Variants in NCOA1 observed in about 807,000 individuals in gnomAD.
The protein encoded by NCOA1 is Hin-2 protein.
A neutral mutation model predicts 150.9 loss-of-function variants in NCOA1; 35 were observed. The ratio of observed to expected loss-of-function variants is 0.23; its 90% CI spans 0.18 to 0.31. The LOEUF (loss-of-function observed/expected upper bound fraction) is 0.31, where lower values mean the gene tolerates loss of function less well. Among genes scored for constraint, NCOA1 ranks in the 10% least tolerant of loss-of-function variants. The pLI is 1.00. For synonymous variants in NCOA1, 590 were observed against 630.0 expected, an observed-to-expected ratio of 0.94 and a Z score of 0.95; for missense variants, 1,491 against 1,749.3, an observed-to-expected ratio of 0.85 and a Z score of 2.63.
intron 3 of NCOA1, among the ~76,000 whole-genome samples, chr2:24,601,606 T>G (rs908596202): frequency 6.9e-6 from 1 of 144,992 alleles, no homozygotes; most frequent in Non-Finnish European, 1.5e-5. Context: ...CAGCTCCTCC[T>G]TCCTCCTTTT....
intron 22 of NCOA1, chr2:24,767,963 T>A: frequency 1.1e-6 from 1 of 951,700 alleles, no homozygotes; most frequent in Non-Finnish European, 1.6e-6. Context: ...ATACTCACTT[T>A]CAGTATTGAT....
intron 11 of NCOA1, among the ~76,000 whole-genome samples, chr2:24,701,139 TTA>T (rs746827988): frequency 6.6e-6 from 1 of 151,428 alleles, no homozygotes. Flanking sequence ...AAAGTTCTGT[TTA>T]TATATATATA....
At chr2:24,713,476 T>G (rs1270742145) in intron 14 of NCOA1, among the ~76,000 whole-genome samples, 1 of 152,164 alleles carries the variant, frequency 6.6e-6, no homozygotes, top group Non-Finnish European at 1.5e-5. Flanking sequence ...CAGAGAGAAG[T>G]TAATTCCATA....
intron 17 of NCOA1, among the ~76,000 whole-genome samples, chr2:24,738,083 A>G (rs2148657979): frequency 6.6e-6 from 1 of 152,160 alleles, no homozygotes; most frequent in East Asian, 1.9e-4. Context: ...TTGTCATTTT[A>G]ACATTTATAT....
At chr2:24,717,526 G>A (rs1674108526) in intron 14 of NCOA1, among the ~76,000 whole-genome samples, 1 of 152,004 alleles carries the variant, frequency 6.6e-6, no homozygotes, top group Non-Finnish European at 1.5e-5. Flanking sequence ...GAGAACACAG[G>A]GGATTTTATG....
Position 24,491,614 on chromosome 2 carries a change from G to A in NCOA1, c.-396+12G>A, listed in dbSNP as rs1312266909. On this transcript the variant is annotated intron_variant, in intron 1 of 22. Coordinates refer to ENST00000348332, the MANE Select transcript of NCOA1 (RefSeq NM_003743.5). The stretch of plus-strand genomic sequence containing the variant: ...GGCGGCGGCGGCAGGTGAGTGGCGG[G>A]CTGCGGGTGCGGAGCCTCCCGGTGG... 8.4e-6 allele frequency among the ~76,000 whole-genome samples: 1 copy of A among 119,056 alleles called. No homozygotes were observed. Among genetic ancestry groups the A allele is most frequent in the East Asian group, 2.7e-4 (1 of 3,742 alleles). 78.1% of individuals were successfully genotyped at this position (119,056 alleles called of 152,430 possible).
At chr2:24,721,550 G>A (rs546809500) in intron 14 of NCOA1, among the ~76,000 whole-genome samples, 78 of 152,222 alleles carry the variant, frequency 5.1e-4, no homozygotes, top group Non-Finnish European at 1.0e-3. Context: ...ATAGGCCTTG[G>A]AGGTGGGGAA....
At chr2:24,606,484 G>A (rs1403211594) in intron 3 of NCOA1, among the ~76,000 whole-genome samples, 5 of 152,110 alleles carry the variant, frequency 3.3e-5, no homozygotes, top group East Asian at 1.9e-4. Flanking sequence ...TCATCCACCC[G>A]CCTCAGCCTC....
intron 1 of NCOA1, among the ~76,000 whole-genome samples, chr2:24,520,855 A>T (rs772245250): frequency 6.6e-6 from 1 of 152,150 alleles, no homozygotes; most frequent in Admixed American, 6.5e-5. Context: ...ACAAAGCTCT[A>T]TATGATCTGG....
intron 19 of NCOA1, among the ~76,000 whole-genome samples, chr2:24,745,748 C>T (rs901227663): frequency 3.3e-5 from 5 of 152,148 alleles, no homozygotes; most frequent in Admixed American, 2.0e-4. Context: ...CCACCAACAC[C>T]CCAAACTTAA....
intron 3 of NCOA1, among the ~76,000 whole-genome samples, chr2:24,640,356 A>G (rs1558864847): frequency 6.6e-6 from 1 of 152,112 alleles, no homozygotes; most frequent in Non-Finnish European, 1.5e-5. Context: ...TCTTCTTCAA[A>G]TCTTCTGTTT....
intron 1 of NCOA1, among the ~76,000 whole-genome samples, chr2:24,506,712 C>G (rs1166086460): frequency 6.6e-6 from 1 of 152,120 alleles, no homozygotes; most frequent in African/African-American, 2.4e-5. Context: ...TAGCTTCACT[C>G]TAGCAAGTAT....
Position 24,639,956 on chromosome 2 carries a change from A to G in NCOA1, c.-174-4010A>G, listed in dbSNP as rs1406698068. Among the ~76,000 whole-genome samples the G allele has an allele frequency of 3.3e-4, 33 of 99,488 alleles. 2 individuals carry two copies. Among genetic ancestry groups the G allele is most frequent in the African/African-American group, 7.7e-4 (23 of 29,916 alleles). 65.3% of individuals were successfully genotyped at this position (99,488 alleles called of 152,430 possible). A position where few individuals can be genotyped will look rare whatever the true frequency, so the allele number is the denominator to read the frequency against. On this transcript the variant is annotated intron_variant, in intron 3 of 22. Coordinates refer to ENST00000348332, the MANE Select transcript of NCOA1 (RefSeq NM_003743.5). ...TATATATATATATATATATATATAT[A>G]TATATATATATATATTCAGAGTATA...
chr2:24,554,897 T>TA (rs1257603295), intron 1 of NCOA1, among the ~76,000 whole-genome samples: 1 of 152,158 alleles, frequency 6.6e-6, no homozygotes, highest in African/African-American at 2.4e-5. Flanking sequence ...CTTCTCTACT[T>TA]ACCGTTTTGA....
At chr2:24,666,012 TTATTATTATTA>T in intron 6 of NCOA1, 97 bp downstream of exon 6, 1 of 738,904 alleles carries the variant, frequency 1.4e-6, no homozygotes. Context: ...TATTATTTTA[TTATTATTATTA>T]TTTTTTGAGA....
intron 1 of NCOA1, among the ~76,000 whole-genome samples, chr2:24,500,024 A>G (rs776522487): frequency 3.7e-4 from 57 of 152,250 alleles, no homozygotes; most frequent in Non-Finnish European, 4.4e-4. Context: ...TATCCCTTCA[A>G]GTATCCCTGC....
At chr2:24,601,093 G>T (rs76623725) in intron 3 of NCOA1, among the ~76,000 whole-genome samples, 2,006 of 151,986 alleles carry the variant, frequency 0.013, 23 homozygotes, top group Non-Finnish European at 0.021. Flanking sequence ...GCTTTACACA[G>T]TTCTATAGTT....
At chr2:24,671,487 G>A (rs1671680100) in intron 6 of NCOA1, among the ~76,000 whole-genome samples, 1 of 152,058 alleles carries the variant, frequency 6.6e-6, no homozygotes, top group Non-Finnish European at 1.5e-5. Flanking sequence ...CAAGATCCCT[G>A]TCTCTTAAAA....
chr2:24,664,711 AAAAAAG>A (rs1228787316), intron 5 of NCOA1, among the ~76,000 whole-genome samples: 2 of 150,226 alleles, frequency 1.3e-5, no homozygotes, highest in Non-Finnish European at 2.9e-5. Flanking sequence ...CATCTCAAAA[AAAAAAG>A]AAAAAGAAAA....
Sources: allele counts gnomAD v4.1 joint callset (sites outside exome capture counted in the v4.1 genomes callset), GRCh38; gene constraint gnomAD v4.1.1; transcripts MANE v1.5; gene names NCBI Gene and HGNC (gene_info 2026-07-23, HGNC 2026-07-21).